The following ABTB3 variants were observed in gnomAD, a reference collection of about 807,000 sequenced individuals.
ABTB3 encodes the protein ankyrin repeat- and BTB/POZ domain-containing protein 3.
chr12:107,418,231 G>A, the ABTB3 span, among the ~76,000 whole-genome samples: 1 of 152,158 alleles, frequency 6.6e-6, no homozygotes, highest in Admixed American at 6.5e-5. Context: ...GACTGGCTTA[G>A]CCTCCCAGCC....
At chr12:107,339,450 C>T in the ABTB3 span, among the ~76,000 whole-genome samples, 1 of 152,172 alleles carries the variant, frequency 6.6e-6, no homozygotes, top group Admixed American at 6.5e-5. Flanking sequence ...GAAAGATTGT[C>T]ACAATCAAAA....
chr12:107,384,821 G>A, the ABTB3 span, among the ~76,000 whole-genome samples: 1 of 152,144 alleles, frequency 6.6e-6, no homozygotes, highest in African/African-American at 2.4e-5. Flanking sequence ...TGCCGGCAAG[G>A]CTTGCAAGGA....
the ABTB3 span, among the ~76,000 whole-genome samples, chr12:107,630,154 G>A: frequency 6.6e-6 from 1 of 152,148 alleles, no homozygotes; most frequent in Non-Finnish European, 1.5e-5. Context: ...AAAAAGAAGC[G>A]GCTAGAAAGC....
chr12:107,405,072 T>C, the ABTB3 span, among the ~76,000 whole-genome samples: 2 of 152,186 alleles, frequency 1.3e-5, no homozygotes, highest in African/African-American at 4.8e-5. Context: ...CATTCTGCTT[T>C]GGTGAGTAGA....
chr12:107,330,991 A>G, the ABTB3 span, among the ~76,000 whole-genome samples: 1 of 152,134 alleles, frequency 6.6e-6, no homozygotes, highest in Non-Finnish European at 1.5e-5. Context: ...GGGTAAGTGA[A>G]ATCTTAAAGT....
chr12:107,397,930 G>C, the ABTB3 span, among the ~76,000 whole-genome samples: 1 of 152,134 alleles, frequency 6.6e-6, no homozygotes, highest in Non-Finnish European at 1.5e-5. Flanking sequence ...GTATTTATGT[G>C]GGTCTTTTCC....
chr12:107,543,995 A>G, the ABTB3 span: 1 of 1,613,896 alleles, frequency 6.2e-7, no homozygotes, highest in East Asian at 2.2e-5. Flanking sequence ...CACCACGGCA[A>G]TGGCACCCCC....
chr12:107,578,232 A>C, the ABTB3 span, among the ~76,000 whole-genome samples: 1 of 152,190 alleles, frequency 6.6e-6, no homozygotes, highest in Non-Finnish European at 1.5e-5. Flanking sequence ...AGTGACAAGA[A>C]GAAGGCAATG....
chr12:107,438,685 C>T, the ABTB3 span, among the ~76,000 whole-genome samples: 1 of 152,194 alleles, frequency 6.6e-6, no homozygotes, highest in African/African-American at 2.4e-5. Flanking sequence ...TGTTGTTGCC[C>T]TCACTCCCCC....
At chr12:107,409,022 C>T in the ABTB3 span, among the ~76,000 whole-genome samples, 1 of 152,352 alleles carries the variant, frequency 6.6e-6, no homozygotes, top group Admixed American at 6.5e-5. Context: ...AAGGCTTCCC[C>T]CAGAAAGGGA....
the ABTB3 span, among the ~76,000 whole-genome samples, chr12:107,417,754 A>G: frequency 6.6e-6 from 1 of 152,224 alleles, no homozygotes; most frequent in Non-Finnish European, 1.5e-5. Flanking sequence ...CTCGGCTCAC[A>G]CTGCATACCC....
the ABTB3 span, among the ~76,000 whole-genome samples, chr12:107,515,521 G>C: frequency 6.6e-6 from 1 of 152,152 alleles, no homozygotes; most frequent in Non-Finnish European, 1.5e-5. Flanking sequence ...TTAAGGGGTG[G>C]TAAGTTCCTG....
chr12:107,527,897 G>C, the ABTB3 span, among the ~76,000 whole-genome samples: 3 of 152,150 alleles, frequency 2.0e-5, no homozygotes, highest in Admixed American at 2.0e-4. Flanking sequence ...GAGTGACTTG[G>C]TTTCCTCATC....
the ABTB3 span, among the ~76,000 whole-genome samples, chr12:107,516,489 C>T: frequency 0.014 from 2,088 of 152,310 alleles, 16 homozygotes; most frequent in Middle Eastern, 0.031. Flanking sequence ...ACCTCGGCCT[C>T]CCAAAGTGCT....
the ABTB3 span, among the ~76,000 whole-genome samples, chr12:107,521,475 C>G: frequency 6.6e-6 from 1 of 152,082 alleles, no homozygotes; most frequent in South Asian, 2.1e-4. Context: ...ACAGCTTTCA[C>G]AAGAGGGTTT....
At chr12:107,462,737 ATGG>A in the ABTB3 span, among the ~76,000 whole-genome samples, 1 of 150,916 alleles carries the variant, frequency 6.6e-6, no homozygotes, top group African/African-American at 2.4e-5. Flanking sequence ...AGTGATGATG[ATGG>A]TGGTGATAGT....
At chr12:107,378,678 G>A in the ABTB3 span, among the ~76,000 whole-genome samples, 1 of 152,094 alleles carries the variant, frequency 6.6e-6, no homozygotes, top group Non-Finnish European at 1.5e-5. Context: ...TCCACACACT[G>A]GCTCGCCTTC....
chr12:107,440,303 C>A, the ABTB3 span, among the ~76,000 whole-genome samples: 4 of 152,234 alleles, frequency 2.6e-5, no homozygotes, highest in Non-Finnish European at 4.4e-5. Context: ...GCCACAGGGA[C>A]CTTCTTTCAG....
At chr12:107,509,878 T>C in the ABTB3 span, among the ~76,000 whole-genome samples, 252 of 152,372 alleles carry the variant, frequency 1.7e-3, 7 homozygotes, top group East Asian at 0.042. Flanking sequence ...TCTGGCATTG[T>C]CTGTGTTATT....
Sources: gnomAD v4.1 joint callset for allele counts (sites outside exome capture counted in the v4.1 genomes callset) on GRCh38, gnomAD v4.1.1 for gene constraint, MANE v1.5 for transcripts, NCBI Gene and HGNC (gene_info 2026-07-23, HGNC 2026-07-21) for gene names.